Variants in POLR2F observed in about 807,000 individuals in gnomAD.
POLR2F encodes the protein RNA polymerase II, I and III subunit F, also known as DNA-directed RNA polymerases I, II, and III subunit RPABC2.
In POLR2F, 12 loss-of-function variants were observed where a neutral mutation model predicts 22.7. The observed-to-expected ratio is 0.53, with a 90% CI of 0.34 to 0.86. POLR2F has a LOEUF of 0.86. POLR2F is among the 40% of genes least tolerant of loss of function. The pLI, the probability that POLR2F is intolerant of heterozygous loss-of-function variation, is 0.02. For missense variants in POLR2F, 126 were observed against 171.5 expected (o/e 0.73, Z 1.48); for synonymous variants, 57 against 66.0 (o/e 0.86, Z 0.66).
At chr22:38,024,130 C>T (rs1256001113) in intron 1 of POLR2F, among the ~76,000 whole-genome samples, 1 of 152,160 alleles carries the variant, frequency 6.6e-6, no homozygotes, top group Non-Finnish European at 1.5e-5. Flanking sequence ...AGGCATGAGC[C>T]ACAGCGCCTG....
intron 3 of POLR2F, among the ~76,000 whole-genome samples, chr22:37,961,011 G>A (rs1190576377): frequency 1.3e-5 from 2 of 150,922 alleles, no homozygotes; most frequent in African/African-American, 2.4e-5. Flanking sequence ...ACAACGCCTG[G>A]CTAATTTTTT....
intron 1 of POLR2F, among the ~76,000 whole-genome samples, chr22:38,014,852 G>A (rs1358273045): frequency 6.8e-6 from 1 of 147,168 alleles, no homozygotes; most frequent in East Asian, 2.0e-4. Context: ...CTGTCGCCCA[G>A]GCTGGAGTGC....
At chr22:38,007,813 C>T (rs1163928544) in intron 1 of POLR2F, among the ~76,000 whole-genome samples, 6 of 152,232 alleles carry the variant, frequency 3.9e-5, no homozygotes, top group Non-Finnish European at 5.9e-5. Flanking sequence ...GGAATTACAG[C>T]GTTGCTGGGC....
chr22:37,961,834 G>T (rs1931654742), intron 3 of POLR2F, among the ~76,000 whole-genome samples: 1 of 86,862 alleles, frequency 1.2e-5, no homozygotes, highest in African/African-American at 5.0e-5. Context: ...ATGAGACTGA[G>T]AACAGGAGCC....
chr22:37,990,101 C>A (rs543980303), intron 1 of POLR2F, among the ~76,000 whole-genome samples: 6 of 152,224 alleles, frequency 3.9e-5, no homozygotes, highest in Non-Finnish European at 8.8e-5. Flanking sequence ...AGCCTCGGCT[C>A]ACCTTCCCTG....
At chr22:38,040,337 G>C (rs1368136029) in intron 5 of POLR2F, 1 of 148,812 alleles carries the variant, frequency 6.7e-6, no homozygotes, top group Admixed American at 6.7e-5. Context: ...AAGCAGATGT[G>C]AATGGCAAAA....
chr22:38,037,223 C>T (rs2085124533), intron 5 of POLR2F, among the ~76,000 whole-genome samples: 1 of 151,138 alleles, frequency 6.6e-6, no homozygotes, highest in Non-Finnish European at 1.5e-5. Flanking sequence ...GAAGGACTGA[C>T]CTTTTTATTC....
At chr22:38,010,300 A>G (rs1006381241) in intron 1 of POLR2F, among the ~76,000 whole-genome samples, 5 of 152,000 alleles carry the variant, frequency 3.3e-5, no homozygotes, top group African/African-American at 1.2e-4. Flanking sequence ...GATTGAACGC[A>G]GGAGTTTGAG....
At chr22:38,022,566 A>G (rs1569182814) in intron 1 of POLR2F, among the ~76,000 whole-genome samples, 1 of 151,368 alleles carries the variant, frequency 6.6e-6, no homozygotes, top group Non-Finnish European at 1.5e-5. Flanking sequence ...AAAAAAAAAA[A>G]AAAAAGAAAG....
At chr22:38,032,732 G>A (rs979252166) in intron 5 of POLR2F, 4 of 152,404 alleles carry the variant, frequency 2.6e-5, no homozygotes, top group Admixed American at 1.3e-4. Flanking sequence ...GAATCAGGAC[G>A]TGTCACAGAG....
intron 1 of POLR2F, among the ~76,000 whole-genome samples, chr22:38,009,200 A>G (rs1033246780): frequency 6.6e-6 from 1 of 152,212 alleles, no homozygotes; most frequent in African/African-American, 2.4e-5. Context: ...GGACCACCAG[A>G]TGGTCCCTGT....
chr22:38,036,120 C>T (rs1376917405), intron 5 of POLR2F, among the ~76,000 whole-genome samples: 5 of 151,840 alleles, frequency 3.3e-5, no homozygotes, highest in Admixed American at 1.3e-4. Context: ...GGATTACAGG[C>T]GTCTGCCACT....
intron 1 of POLR2F, among the ~76,000 whole-genome samples, chr22:38,023,017 A>G (rs1324721835): frequency 6.6e-6 from 1 of 152,210 alleles, no homozygotes; most frequent in African/African-American, 2.4e-5. Flanking sequence ...GTCTCTGAAG[A>G]AACAAACAGA....
chr22:37,984,099 C>T, upstream of POLR2F: 1 of 224,586 alleles, frequency 4.5e-6, no homozygotes, highest in Non-Finnish European at 8.7e-6. The surrounding 1 kb of genome is among the most constrained non-coding windows in gnomAD (Gnocchi z 4.4). Flanking sequence ...TTTTTAGCCT[C>T]CTTTTTTGGG....
chr22:38,016,815 TAGAG>T lies in POLR2F; in HGVS notation c.121-9042_121-9039del, dbSNP rs1330246789. Among the ~76,000 whole-genome samples the T allele has an allele frequency of 1.4e-5, 2 of 142,662 alleles. No homozygotes were observed. The highest frequency in any genetic ancestry group is 2.0e-4 in the East Asian group (1 of 4,942). The allele number at this position is 142,662 out of a possible 152,430, so 93.6% of individuals were successfully genotyped here. On this transcript the variant is annotated intron_variant, in intron 1 of 2. Transcript: ENST00000333418. The surrounding 1 kb of genome is among the most constrained non-coding windows in gnomAD (Gnocchi z 4.4). ...TTTCTACTGTAATGACATGTTGGAA[TAGAG>T]AGAGAGAGAGAAGGAAAAAAAAAAA...
downstream of POLR2F, among the ~76,000 whole-genome samples, chr22:38,027,222 C>G (rs1393055551): frequency 1.3e-5 from 2 of 152,178 alleles, no homozygotes; most frequent in African/African-American, 4.8e-5. Flanking sequence ...CTATTGAGTT[C>G]CTCCTACCTG....
intron 5 of POLR2F, among the ~76,000 whole-genome samples, chr22:38,035,515 C>A (rs1368005965): frequency 2.6e-5 from 4 of 152,338 alleles, no homozygotes; most frequent in Non-Finnish European, 5.9e-5. Flanking sequence ...TGTTCATTTG[C>A]AATCCCTCGG....
At chr22:37,983,700 G>GCGCGCTCCCCGGGGA (rs1249578852), upstream of POLR2F, 2 of 1,519,532 alleles carry the variant, frequency 1.3e-6, no homozygotes, top group South Asian at 2.4e-5. This position sits in a 1 kb window ranked among gnomAD's most constrained non-coding sequence, Gnocchi z 9.5. Flanking sequence ...CCTAGCGAGG[G>GCGCGCTCCCCGGGGA]CGCGCTCCCC....
In POLR2F at chr22:37,953,710, C is replaced by G. The variant is rs762176423; in HGVS notation, c.-78C>G. 3.9e-6 allele frequency: 6 copies of G among 1,537,626 alleles called. No individual in the cohort carries two copies. The highest frequency in any genetic ancestry group is 4.4e-6 in the Non-Finnish European group (5 of 1,136,408). On this transcript the variant is annotated 5_prime_UTR_variant, in exon 1 of 5. Transcript: ENST00000442738. ...CGCAGGCGCAAGATAAGCTAGGAGC[C>G]GCGCGAGTCGTAGTGTCGCTGTTTG...
Sources: allele counts gnomAD v4.1 joint callset (sites outside exome capture counted in the v4.1 genomes callset), GRCh38; gene constraint gnomAD v4.1.1; non-coding constraint Gnocchi (gnomAD v3.1); transcripts MANE v1.5; gene names NCBI Gene and HGNC (gene_info 2026-07-23, HGNC 2026-07-21).